The following ADK variants were observed in gnomAD, a reference collection of about 807,000 sequenced individuals.
ADK encodes the protein N6,N6-dimethyladenosine kinase.
In ADK, 24 loss-of-function variants were observed where a neutral mutation model predicts 44.7. The observed-to-expected ratio is 0.54, with a 90% confidence interval of 0.39 to 0.76. ADK has a LOEUF of 0.76. Ranked by LOEUF, ADK falls within the 30% of genes least tolerant of loss-of-function variation. ADK has a pLI of 0.00. For synonymous variants in ADK, 128 were observed against 142.6 expected (o/e 0.90, Z 0.73); for missense variants, 321 against 425.1 (o/e 0.76, Z 2.15).
At chr10:74,585,636 AT>A (rs1358434422) in intron 7 of ADK, among the ~76,000 whole-genome samples, 1 of 152,082 alleles carries the variant, frequency 6.6e-6, no homozygotes, top group East Asian at 1.9e-4. Flanking sequence ...CTCCTTTGTG[AT>A]TTTTGATGTC....
intron 1 of ADK, among the ~76,000 whole-genome samples, chr10:74,199,968 G>A (rs145348823): frequency 5.9e-5 from 9 of 151,946 alleles, no homozygotes; most frequent in South Asian, 2.1e-4. Context: ...GTGAACCACC[G>A]TGCCCAGCCT....
At chr10:74,172,142 T>TTC (rs1842179454) in intron 1 of ADK, among the ~76,000 whole-genome samples, 3 of 132,218 alleles carry the variant, frequency 2.3e-5, no homozygotes, top group Admixed American at 7.0e-5. Context: ...ATTTTCTTTT[T>TTC]TTTTTTTTTT....
chr10:74,613,181 T>C (rs1181974864), intron 9 of ADK, among the ~76,000 whole-genome samples: 1 of 151,998 alleles, frequency 6.6e-6, no homozygotes, highest in Non-Finnish European at 1.5e-5. Flanking sequence ...AAAATACAAC[T>C]TCAAGGAGAT....
At chr10:74,540,518 G>A (rs371273203) in intron 7 of ADK, among the ~76,000 whole-genome samples, 66 of 151,822 alleles carry the variant, frequency 4.3e-4, no homozygotes, top group African/African-American at 1.5e-3. Flanking sequence ...GGAGTACAGT[G>A]ATGCAATCTC....
chr10:74,643,727 A>G (rs143586105), intron 9 of ADK, among the ~76,000 whole-genome samples: 4 of 152,316 alleles, frequency 2.6e-5, no homozygotes, highest in Non-Finnish European at 4.4e-5. Flanking sequence ...AATTTGAAGT[A>G]TAGGATGATT....
chr10:74,697,938 A>G (rs943605310), intron 10 of ADK, among the ~76,000 whole-genome samples: 3 of 152,240 alleles, frequency 2.0e-5, no homozygotes, highest in Non-Finnish European at 2.9e-5. Context: ...AATACCAGAT[A>G]CAATTTGTCA....
chr10:74,204,854 C>T (rs1264594456), intron 2 of ADK, among the ~76,000 whole-genome samples: 1 of 151,794 alleles, frequency 6.6e-6, no homozygotes, highest in East Asian at 1.9e-4. Context: ...GTCATGCCAA[C>T]ATGGCAAAAC....
chr10:74,248,542 G>A (rs1845520004), intron 3 of ADK, among the ~76,000 whole-genome samples: 1 of 152,138 alleles, frequency 6.6e-6, no homozygotes, highest in Admixed American at 6.5e-5. Context: ...TTTTAGTAGA[G>A]ACGGGGTTTC....
intron 10 of ADK, among the ~76,000 whole-genome samples, chr10:74,705,670 G>C (rs1455543022): frequency 6.6e-6 from 1 of 152,204 alleles, no homozygotes; most frequent in Non-Finnish European, 1.5e-5. Flanking sequence ...AAATAGAACG[G>C]ATCATATGAT....
At chr10:74,184,642 C>A (rs1842683219) in intron 1 of ADK, among the ~76,000 whole-genome samples, 1 of 152,020 alleles carries the variant, frequency 6.6e-6, no homozygotes, top group Non-Finnish European at 1.5e-5. Flanking sequence ...CCCGCCTCAG[C>A]CACCTAAAGT....
intron 6 of ADK, among the ~76,000 whole-genome samples, chr10:74,447,841 T>C (rs1047184081): frequency 2.0e-5 from 3 of 152,154 alleles, no homozygotes; most frequent in African/African-American, 7.2e-5. Context: ...GTCATTTCCC[T>C]CTAAGAGTAC....
intron 6 of ADK, among the ~76,000 whole-genome samples, chr10:74,420,556 G>C (rs1164053566): frequency 2.0e-5 from 3 of 152,102 alleles, no homozygotes; most frequent in African/African-American, 7.2e-5. Flanking sequence ...ACCAAAGCTT[G>C]TAGGTTCTAT....
chr10:74,434,322 C>T (rs1845109430), intron 6 of ADK, among the ~76,000 whole-genome samples: 1 of 152,064 alleles, frequency 6.6e-6, no homozygotes, highest in Non-Finnish European at 1.5e-5. Flanking sequence ...AAAGTGTAGT[C>T]TGAGAACTAT....
At chr10:74,370,630 T>G (rs1182370594) in intron 4 of ADK, among the ~76,000 whole-genome samples, 1 of 152,200 alleles carries the variant, frequency 6.6e-6, no homozygotes, top group Admixed American at 6.5e-5. Flanking sequence ...TGATATATAG[T>G]TGGCCCTCTA....
At chr10:74,358,969 T>C (rs1842232290) in intron 4 of ADK, among the ~76,000 whole-genome samples, 1 of 152,160 alleles carries the variant, frequency 6.6e-6, no homozygotes, top group African/African-American at 2.4e-5. Flanking sequence ...GGGGAGTCTC[T>C]GTGGTGCCCA....
chr10:74,329,563 T>G (rs948236306), intron 4 of ADK, among the ~76,000 whole-genome samples: 5 of 152,220 alleles, frequency 3.3e-5, no homozygotes, highest in African/African-American at 1.2e-4. Context: ...TTAGCAGTTA[T>G]GCAGTGGAGT....
intron 2 of ADK, among the ~76,000 whole-genome samples, chr10:74,205,436 G>T (rs1843557394): frequency 6.6e-6 from 1 of 152,126 alleles, no homozygotes. Flanking sequence ...AGCACTTTGG[G>T]AGGCTGAGGT....
intron 7 of ADK, among the ~76,000 whole-genome samples, chr10:74,528,914 C>A (rs1236766185): frequency 6.6e-6 from 1 of 152,092 alleles, no homozygotes; most frequent in Non-Finnish European, 1.5e-5. Context: ...TTGTGTATTG[C>A]TGGTGGGAAT....
intron 8 of ADK, among the ~76,000 whole-genome samples, chr10:74,595,622 C>T (rs1366779519): frequency 6.6e-6 from 1 of 151,156 alleles, no homozygotes; most frequent in African/African-American, 2.4e-5. Context: ...ATGATCCGCC[C>T]GCCTCCGTCT....
Sources: gnomAD v4.1 joint callset for allele counts (sites outside exome capture counted in the v4.1 genomes callset) on GRCh38, gnomAD v4.1.1 for gene constraint, MANE v1.5 for transcripts, NCBI Gene and HGNC (gene_info 2026-07-23, HGNC 2026-07-21) for gene names.